MARCHF1: variants seen among roughly 807,000 people sequenced by gnomAD.
The protein encoded by MARCHF1 is E3 ubiquitin-protein ligase MARCHF1.
Under a neutral mutation model 54.2 loss-of-function variants are expected in MARCHF1, and 40 were observed. The ratio of observed to expected loss-of-function variants is 0.74; its 90% CI spans 0.57 to 0.96. The LOEUF (loss-of-function observed/expected upper bound fraction) is 0.96, where lower values mean the gene tolerates loss of function less well. Among genes scored for constraint, MARCHF1 ranks in the 40% least tolerant of loss-of-function variants. The pLI, the probability that MARCHF1 is intolerant of heterozygous loss-of-function variation, is 0.00. For missense variants in MARCHF1, 586 were observed against 656.5 expected (o/e 0.89, Z 1.17); for synonymous variants, 236 against 236.3 (o/e 1.00, Z 0.01).
chr4:163,826,549 T>C (rs908282481), intron 4 of MARCHF1, among the ~76,000 whole-genome samples: 2 of 152,074 alleles, frequency 1.3e-5, no homozygotes, highest in South Asian at 2.1e-4. Flanking sequence ...TAAATATTTA[T>C]TGAGGCTCTA....
intron 2 of MARCHF1, among the ~76,000 whole-genome samples, chr4:164,096,393 C>G (rs989992255): frequency 2.0e-5 from 3 of 151,756 alleles, no homozygotes; most frequent in Non-Finnish European, 2.9e-5. Flanking sequence ...AAATTGGGAA[C>G]AATAGACACT....
At chr4:163,927,071 A>G (rs1434470376) in intron 3 of MARCHF1, among the ~76,000 whole-genome samples, 2 of 151,790 alleles carry the variant, frequency 1.3e-5, no homozygotes, top group African/African-American at 2.4e-5. Flanking sequence ...TGATTTGGGA[A>G]AAATATTTCA....
chr4:163,994,302 G>GTGTGTGTGTGTC (rs34623554), intron 2 of MARCHF1, among the ~76,000 whole-genome samples: 1 of 146,450 alleles, frequency 6.8e-6, no homozygotes, highest in Non-Finnish European at 1.5e-5. Context: ...GTGTGTGTGT[G>GTGTGTGTGTGTC]AGTGTGGTGG....
At chr4:163,532,848 A>G (rs1230229787) in intron 9 of MARCHF1, among the ~76,000 whole-genome samples, 1 of 151,976 alleles carries the variant, frequency 6.6e-6, no homozygotes, top group Non-Finnish European at 1.5e-5. Context: ...TTTAAAAAAG[A>G]ACACTGAAAA....
At position 163,528,049 on chromosome 4, in the gene MARCHF1, T is replaced by C. The variant is rs999902065; in HGVS notation, c.*699A>G. 1 of 152,530 alleles carries C rather than the reference T, an allele frequency of 6.6e-6. No individual in the cohort carries two copies. Among genetic ancestry groups the C allele is most frequent in the Admixed American group, 6.6e-5 (1 of 15,250 alleles). 9.4% of individuals were successfully genotyped at this position (152,530 alleles called of 1,614,324 possible). ...AAATAAATATAAGACCTGATAACAG[T>C]TCTGTGGGTATTTAACAGAGCTAAT... On this transcript the variant is annotated 3_prime_UTR_variant, in exon 10 of 10. Transcript: ENST00000514618.
chr4:163,687,231 C>CT lies in MARCHF1; in HGVS notation c.162+13581dup, dbSNP rs753785368. On this transcript the variant is annotated intron_variant, in intron 5 of 9. Coordinates refer to ENST00000514618, the MANE Select transcript of MARCHF1 (RefSeq NM_001394959.1). ...AATTCCAAGAGGTGAGAAGTCAGATCTTTTTTTTTTTTTTGAGATGCCGTC... is the reference window on the plus strand; with the variant it reads ...AATTCCAAGAGGTGAGAAGTCAGATCTTTTTTTTTTTTTTTGAGATGCCGTC... Among the ~76,000 whole-genome samples, 250 of 142,954 alleles carry CT rather than the reference C, an allele frequency of 1.7e-3. 1 individual carries two copies. Among genetic ancestry groups the CT allele is most frequent in the East Asian group, 4.9e-3 (24 of 4,942 alleles). 93.8% of individuals were successfully genotyped at this position (142,954 alleles called of 152,430 possible). A position where few individuals can be genotyped will look rare whatever the true frequency, so the allele number is the denominator to read the frequency against.
intron 1 of MARCHF1, among the ~76,000 whole-genome samples, chr4:164,264,772 T>C (rs1047127522): frequency 1.3e-5 from 2 of 151,910 alleles, no homozygotes; most frequent in Admixed American, 1.3e-4. Flanking sequence ...ATACAAAAAT[T>C]AGCTGGATGT....
chr4:163,957,376 A>G (rs1752252452), intron 3 of MARCHF1, among the ~76,000 whole-genome samples: 1 of 152,118 alleles, frequency 6.6e-6, no homozygotes, highest in Non-Finnish European at 1.5e-5. Flanking sequence ...AACATAGTAA[A>G]TGGCCTTGTG....
At position 163,937,953 on chromosome 4, in the gene MARCHF1, A is replaced by G. The variant is rs76096147; in HGVS notation, c.-39+50548T>C. Among the ~76,000 whole-genome samples the G allele has an allele frequency of 9.2e-3, 1,408 of 152,284 alleles. 23 individuals carry two copies. The highest frequency in any genetic ancestry group is 0.031 in the African/African-American group (1,295 of 41,554). ...TCCCAGACCTATATATCTTGGCTCT[A>G]GGGCACATAACAGAACATATTGGTC... On this transcript the variant is annotated intron_variant, in intron 3 of 9. Coordinates refer to ENST00000514618, the MANE Select transcript of MARCHF1 (RefSeq NM_001394959.1).
At chr4:163,734,632 T>C (rs934149068) in intron 4 of MARCHF1, among the ~76,000 whole-genome samples, 1 of 151,636 alleles carries the variant, frequency 6.6e-6, no homozygotes, top group Non-Finnish European at 1.5e-5. Context: ...CAAACTAATC[T>C]ACGATGATAG....
At chr4:163,990,484 T>C (rs1752951109) in intron 2 of MARCHF1, among the ~76,000 whole-genome samples, 1 of 152,204 alleles carries the variant, frequency 6.6e-6, no homozygotes, top group Admixed American at 6.5e-5. Context: ...TTGCTTAAAA[T>C]AGTTTTAAAA....
intron 1 of MARCHF1, among the ~76,000 whole-genome samples, chr4:164,146,107 A>G (rs2110886479): frequency 8.5e-6 from 1 of 117,032 alleles, no homozygotes; most frequent in East Asian, 2.2e-4. Flanking sequence ...TAGGAATCCA[A>G]CTTACAAGGG....
At chr4:163,871,897 T>C (rs1271838292) in intron 3 of MARCHF1, among the ~76,000 whole-genome samples, 1 of 152,222 alleles carries the variant, frequency 6.6e-6, no homozygotes, top group African/African-American at 2.4e-5. Context: ...TTACAATTAA[T>C]AATTTCATGA....
chr4:164,351,205 A>C (rs1489618866), intron 1 of MARCHF1, among the ~76,000 whole-genome samples: 3 of 150,472 alleles, frequency 2.0e-5, no homozygotes, highest in Non-Finnish European at 3.0e-5. Flanking sequence ...GCCATTGCCC[A>C]GGCTTGCTTA....
chr4:163,670,789 C>A (rs930566663), intron 5 of MARCHF1, among the ~76,000 whole-genome samples: 3 of 152,164 alleles, frequency 2.0e-5, no homozygotes, highest in African/African-American at 7.2e-5. Flanking sequence ...GAATACAATA[C>A]TTATCGAGAA....
At chr4:163,807,340 G>A (rs1748255378) in intron 4 of MARCHF1, among the ~76,000 whole-genome samples, 1 of 152,146 alleles carries the variant, frequency 6.6e-6, no homozygotes, top group African/African-American at 2.4e-5. Flanking sequence ...CATTTGAAAT[G>A]AATATTTATA....
At chr4:164,089,698 C>T (rs961922106) in intron 2 of MARCHF1, among the ~76,000 whole-genome samples, 1 of 151,900 alleles carries the variant, frequency 6.6e-6, no homozygotes, top group Non-Finnish European at 1.5e-5. Flanking sequence ...CTTGGATCCT[C>T]AAGATCCAAG....
At chr4:163,591,485 T>C (rs1740592390) in intron 7 of MARCHF1, among the ~76,000 whole-genome samples, 1 of 152,104 alleles carries the variant, frequency 6.6e-6, no homozygotes, top group African/African-American at 2.4e-5. Flanking sequence ...AGTTCTGGAA[T>C]TATGAGCTGA....
intron 8 of MARCHF1, among the ~76,000 whole-genome samples, chr4:163,549,715 TAGAA>T (rs1237665143): frequency 4.0e-5 from 6 of 151,110 alleles, no homozygotes; most frequent in South Asian, 2.1e-4. Flanking sequence ...CACTAAACAA[TAGAA>T]AGAAATCCAA....
Sources: allele counts gnomAD v4.1 joint callset (sites outside exome capture counted in the v4.1 genomes callset), GRCh38; gene constraint gnomAD v4.1.1; transcripts MANE v1.5; gene names NCBI Gene and HGNC (gene_info 2026-07-23, HGNC 2026-07-21).